Variants in MED27 observed in about 807,000 individuals in gnomAD.
MED27 encodes mediator complex subunit 27.
MED27 carries 30 observed loss-of-function variants against 38.2 expected under a neutral mutation model. The observed-to-expected ratio is 0.79, with a 90% CI of 0.59 to 1.07. The LOEUF is 1.07. Ranked by LOEUF, MED27 falls within the 50% of genes least tolerant of loss-of-function variation. MED27 has a pLI of 0.00. For synonymous variants in MED27, 122 were observed against 153.5 expected (o/e 0.79, Z 1.52); for missense variants, 289 against 397.5 (o/e 0.73, Z 2.32).
At chr9:131,991,402 T>C (rs889235856) in intron 3 of MED27, among the ~76,000 whole-genome samples, 3 of 152,192 alleles carry the variant, frequency 2.0e-5, no homozygotes, top group Non-Finnish European at 4.4e-5. Flanking sequence ...CATCCCACTA[T>C]TAGAAGCAAG....
At chr9:131,905,236 A>T (rs1830030870) in intron 4 of MED27, among the ~76,000 whole-genome samples, 1 of 152,262 alleles carries the variant, frequency 6.6e-6, no homozygotes, top group Admixed American at 6.5e-5. Flanking sequence ...ATCAAGTGGG[A>T]TACAGGTTAC....
intron 6 of MED27, among the ~76,000 whole-genome samples, chr9:131,866,750 A>G (rs1838742966): frequency 6.6e-6 from 1 of 152,242 alleles, no homozygotes; most frequent in Admixed American, 6.5e-5. Context: ...GTCAGAAAAC[A>G]TGAGTGATTG....
At chr9:131,960,969 G>A (rs1831202883) in intron 3 of MED27, among the ~76,000 whole-genome samples, 1 of 152,192 alleles carries the variant, frequency 6.6e-6, no homozygotes, top group African/African-American at 2.4e-5. Context: ...AGGCTGCCAG[G>A]AGAGTCGAAG....
chr9:131,866,111 G>A (rs966442402), intron 6 of MED27, among the ~76,000 whole-genome samples: 6 of 152,178 alleles, frequency 3.9e-5, no homozygotes, highest in African/African-American at 1.4e-4. Context: ...TGCACTCCCA[G>A]GTTCCCCAAA....
At chr9:131,931,053 T>A (rs1830576891) in intron 4 of MED27, among the ~76,000 whole-genome samples, 1 of 152,088 alleles carries the variant, frequency 6.6e-6, no homozygotes. Context: ...AAGATCAGCC[T>A]GGGTAACATG....
intron 6 of MED27, among the ~76,000 whole-genome samples, chr9:131,877,835 C>T (rs1316951465): frequency 4.6e-5 from 7 of 152,192 alleles, no homozygotes; most frequent in Admixed American, 1.3e-4. Context: ...TACCCACCAA[C>T]GCAATATCAG....
intron 3 of MED27, among the ~76,000 whole-genome samples, chr9:131,996,583 C>A (rs1435788718): frequency 1.3e-5 from 2 of 152,210 alleles, no homozygotes; most frequent in Non-Finnish European, 2.9e-5. Context: ...AGAAGTAGAA[C>A]TGAGCAACAC....
At chr9:132,030,301 T>C (rs892627795) in intron 2 of MED27, among the ~76,000 whole-genome samples, 2 of 152,222 alleles carry the variant, frequency 1.3e-5, no homozygotes, top group African/African-American at 4.8e-5. Flanking sequence ...TCTGCTTCTT[T>C]GAAAAATTCA....
chr9:131,964,474 G>A (rs774727151), intron 3 of MED27, among the ~76,000 whole-genome samples: 42 of 149,790 alleles, frequency 2.8e-4, no homozygotes, highest in Non-Finnish European at 5.3e-4. Flanking sequence ...GCTCCTTTGT[G>A]CCTTCAGTAA....
At chr9:131,890,688 A>G (rs928602694) in intron 5 of MED27, among the ~76,000 whole-genome samples, 1 of 152,168 alleles carries the variant, frequency 6.6e-6, no homozygotes, top group African/African-American at 2.4e-5. Flanking sequence ...CCCTACAGAC[A>G]GACAGTCACA....
At chr9:132,022,623 C>G (rs1832740598) in intron 2 of MED27, among the ~76,000 whole-genome samples, 1 of 152,156 alleles carries the variant, frequency 6.6e-6, no homozygotes, top group African/African-American at 2.4e-5. Context: ...CCAATTAAGG[C>G]AGCTAGTGAG....
rs1288474287 is a variant in MED27 at position 131,884,104 on chromosome 9, G to C, written c.682-5C>G. 2 of 1,603,808 alleles carry C rather than the reference G, an allele frequency of 1.2e-6. No individual in the cohort carries two copies. Among genetic ancestry groups the C allele is most frequent in the Non-Finnish European group, 1.7e-6 (2 of 1,175,934 alleles). On this transcript the variant is annotated splice_region_variant and splice_polypyrimidine_tract_variant and intron_variant, in intron 5 of 7. Coordinates refer to ENST00000292035, the MANE Select transcript of MED27 (RefSeq NM_004269.4). The stretch of plus-strand genomic sequence containing the variant: ...GGATTTGGACCATATATCAAGCTGA[G>C]GGGAAAGGAGAGAAGGATCATCAGC...
intron 3 of MED27, among the ~76,000 whole-genome samples, chr9:131,992,761 A>G (rs1276707562): frequency 6.6e-6 from 1 of 152,148 alleles, no homozygotes; most frequent in African/African-American, 2.4e-5. Flanking sequence ...TTCAGAGCCC[A>G]TCTGCCCCAT....
At chr9:131,938,719 T>C (rs1370991307) in intron 4 of MED27, among the ~76,000 whole-genome samples, 4 of 147,270 alleles carry the variant, frequency 2.7e-5, no homozygotes, top group African/African-American at 9.9e-5. Flanking sequence ...TTTTTTTTTC[T>C]TTTTTTTTTT....
intron 3 of MED27, among the ~76,000 whole-genome samples, chr9:131,999,572 T>C (rs952296789): frequency 4.6e-5 from 7 of 152,212 alleles, no homozygotes; most frequent in African/African-American, 1.7e-4. Context: ...GGGAAGGTTA[T>C]TCATCACTGA....
At chr9:131,894,701 C>T (rs2131504888) in intron 4 of MED27, among the ~76,000 whole-genome samples, 1 of 152,172 alleles carries the variant, frequency 6.6e-6, no homozygotes, top group Middle Eastern at 3.4e-3. Flanking sequence ...GGAATAGGCT[C>T]AGCACCAAGA....
At chr9:131,916,840 A>C (rs1830298512) in intron 4 of MED27, among the ~76,000 whole-genome samples, 1 of 152,250 alleles carries the variant, frequency 6.6e-6, no homozygotes, top group Non-Finnish European at 1.5e-5. Flanking sequence ...GATCCATTTA[A>C]GATCAATCCA....
intron 3 of MED27, among the ~76,000 whole-genome samples, chr9:131,987,039 ACTAT>A (rs1831867759): frequency 1.1e-5 from 1 of 90,824 alleles, no homozygotes; most frequent in South Asian, 3.2e-4. Context: ...TTAGAATACT[ACTAT>A]CTTTCTACAT....
rs547439348 is a variant in MED27 at position 132,026,195 on chromosome 9, G to A, written c.349-11728C>T. Among the ~76,000 whole-genome samples the A allele has an allele frequency of 7.9e-5, 12 of 152,322 alleles. No homozygotes were observed. In the East Asian group the frequency reaches 1.2e-3, roughly 15 times the overall value. Reference sequence around the variant, plus strand: ...GGAATGTCCAAGAAGGAATATTCACGCATCCATCACCAACCACGTCCATCC... The same window carrying A: ...GGAATGTCCAAGAAGGAATATTCACACATCCATCACCAACCACGTCCATCC... On this transcript the variant is annotated intron_variant, in intron 2 of 7. Coordinates refer to ENST00000292035, the MANE Select transcript of MED27 (RefSeq NM_004269.4).
Sources: allele counts gnomAD v4.1 joint callset (sites outside exome capture counted in the v4.1 genomes callset), GRCh38; gene constraint gnomAD v4.1.1; transcripts MANE v1.5; gene names NCBI Gene and HGNC (gene_info 2026-07-23, HGNC 2026-07-21).